ACTN2: variants seen among roughly 807,000 people sequenced by gnomAD.
ACTN2 encodes alpha-actinin-2.
A neutral mutation model predicts 113.8 loss-of-function variants in ACTN2; 39 were observed. That is an observed-to-expected ratio of 0.34 (90% CI 0.27 to 0.45). ACTN2 has a LOEUF of 0.45. Among genes scored for constraint, ACTN2 ranks in the 20% least tolerant of loss-of-function variants. The pLI is 1.00. For synonymous variants in ACTN2, 429 were observed against 444.1 expected (o/e 0.97, Z 0.43); for missense variants, 992 against 1,177.9 (o/e 0.84, Z 2.31).
chr1:236,702,185 A>G (rs1657696839), intron 1 of ACTN2, among the ~76,000 whole-genome samples: 1 of 152,220 alleles, frequency 6.6e-6, no homozygotes, highest in African/African-American at 2.4e-5. Flanking sequence ...TCAGAACGCT[A>G]GGATTGCTGG....
chr1:236,718,862 T>C, intron 2 of ACTN2, 32 bp from the exon 3 acceptor site: 1 of 1,614,140 alleles, frequency 6.2e-7, no homozygotes, highest in South Asian at 1.1e-5. Context: ...TCACTGTCTC[T>C]ATGTCTGCAT....
At chr1:236,720,055 C>T (rs776558853) in intron 3 of ACTN2, 50 bp from the exon 4 acceptor site, 28 of 1,297,088 alleles carry the variant, frequency 2.2e-5, no homozygotes, top group South Asian at 1.4e-4. Context: ...AAAAAAGTTA[C>T]GTACAGACTA....
At chr1:236,744,281 G>C (rs1410378377) in intron 11 of ACTN2, among the ~76,000 whole-genome samples, 1 of 152,202 alleles carries the variant, frequency 6.6e-6, no homozygotes, top group East Asian at 1.9e-4. Flanking sequence ...TAGCTCTTGG[G>C]AGTGAATAAT....
chr1:236,693,188 C>CACAT (rs1460101852), intron 1 of ACTN2, among the ~76,000 whole-genome samples: 21 of 43,638 alleles, frequency 4.8e-4, no homozygotes, highest in African/African-American at 9.2e-4. Context: ...CACACACACA[C>CACAT]ACACACACAC....
chr1:236,720,270 A>G (rs1658344267), intron 4 of ACTN2, 79 bp downstream of exon 4: 1 of 1,144,824 alleles, frequency 8.7e-7, no homozygotes, highest in African/African-American at 1.5e-5. Flanking sequence ...AGATGTTTTA[A>G]AGTCCAACAG....
chr1:236,761,951 C>T (rs192128583), intron 20 of ACTN2, among the ~76,000 whole-genome samples: 55 of 151,920 alleles, frequency 3.6e-4, no homozygotes, highest in African/African-American at 1.2e-3. Flanking sequence ...GGGAAATAGC[C>T]CAGCTGATTT....
chr1:236,754,005 A>G lies in ACTN2; in HGVS notation c.1898A>G (p.His633Arg). Residue 633 changes from histidine to arginine, a missense_variant, in exon 16 of 21, where the codon CAT (histidine) becomes CGT (arginine). By Grantham distance (29) the His-to-Arg change is conservative. Transcript: ENST00000366578. This position sits in a 1 kb window ranked among gnomAD's most constrained non-coding sequence, Gnocchi z 4.9. ...QSLQEELARQ[H>R]ANERLRRQFA... is the part of the protein sequence containing the mutation. ...CTGCAGGAGGAGCTGGCTCGCCAGC[A>G]TGCTAACGAGCGTCTGAGGCGCCAG... The G allele has an allele frequency of 2.5e-6, 4 of 1,614,212 alleles. No homozygotes were observed. The highest frequency in any genetic ancestry group is 3.4e-6 in the Non-Finnish European group (4 of 1,180,046).
intron 4 of ACTN2, among the ~76,000 whole-genome samples, chr1:236,721,052 G>A (rs1404718416): frequency 2.4e-5 from 1 of 41,112 alleles, no homozygotes; most frequent in Non-Finnish European, 4.7e-5. Flanking sequence ...TTTTGAGACG[G>A]AGTCTCACTC....
intron 1 of ACTN2, among the ~76,000 whole-genome samples, chr1:236,688,861 T>A (rs1665967797): frequency 6.6e-6 from 1 of 152,176 alleles, no homozygotes; most frequent in African/African-American, 2.4e-5. Flanking sequence ...CCATTGTTTC[T>A]ATTGTGGGCT....
chr1:236,740,491 C>T (rs2385494), intron 10 of ACTN2, among the ~76,000 whole-genome samples: 101,807 of 152,032 alleles, frequency 0.67, 36,562 homozygotes, highest in Non-Finnish European at 0.8. Flanking sequence ...AATGTTCTTG[C>T]CAAAGTCAAT....
At chr1:236,735,597 T>C in intron 7 of ACTN2, 38 bp from the exon 8 acceptor site, 3 of 1,514,836 alleles carry the variant, frequency 2.0e-6, no homozygotes, top group Non-Finnish European at 1.8e-6. Context: ...GTGGTGTGTG[T>C]GTGTGCGCGC....
Position 236,743,060 on chromosome 1 carries a change from C to CT in ACTN2, c.1255+17_1255+18insT. The CT allele has an allele frequency of 3.1e-6, 5 of 1,613,862 alleles. No homozygotes were observed. Among genetic ancestry groups the CT allele is most frequent in the Non-Finnish European group, 4.2e-6 (5 of 1,179,990 alleles). On this transcript the variant is annotated intron_variant, in intron 11 of 20. Coordinates refer to ENST00000366578, the MANE Select transcript of ACTN2 (RefSeq NM_001103.4). ...GGGCTTATGGTAAGTAGACAGGAGT[C>CT]AGATTGGATTTTTGAAAAACCAGAG...
rs750521308 is a variant in ACTN2 at position 236,686,659 on chromosome 1, G to C, written c.-15G>C. 1 of 1,549,528 alleles carries C rather than the reference G, an allele frequency of 6.5e-7. No individual in the cohort carries two copies. The highest frequency in any genetic ancestry group is 8.7e-7 in the Non-Finnish European group (1 of 1,148,190). ...GCCCCTCGCGCCCCGCCGCAGCCCC[G>C]GCCAACCGAGCGCCATGAACCAGAT... On this transcript the variant is annotated 5_prime_UTR_variant, in exon 1 of 21. Coordinates refer to ENST00000366578, the MANE Select transcript of ACTN2 (RefSeq NM_001103.4).
At chr1:236,721,571 CTT>C (rs1658396679) in intron 4 of ACTN2, among the ~76,000 whole-genome samples, 1 of 152,190 alleles carries the variant, frequency 6.6e-6, no homozygotes, top group Admixed American at 6.5e-5. Flanking sequence ...ACTTTGAAAA[CTT>C]TTGTACAATA....
Position 236,695,568 on chromosome 1 carries a change from C to CG in ACTN2, c.126+8769_126+8770insG, listed in dbSNP as rs1270303773. On this transcript the variant is annotated intron_variant, in intron 1 of 20. Transcript: ENST00000366578. The stretch of plus-strand genomic sequence containing the variant: ...GAATTTGATTTGAAATGAGTTCCCC[C>CG]CCCCTGCCCAGATTGAAAACCTTCA... 8.6e-5 allele frequency among the ~76,000 whole-genome samples: 9 copies of CG among 104,552 alleles called. 1 individual carries two copies. The South Asian group carries it at 2.8e-3, about 32-fold the overall frequency. 68.6% of individuals were successfully genotyped at this position (104,552 alleles called of 152,430 possible).
At chr1:236,716,032 C>A (rs1418071) in intron 1 of ACTN2, among the ~76,000 whole-genome samples, 121,396 of 151,554 alleles carry the variant, frequency 0.8, 49,394 homozygotes, top group Non-Finnish European at 0.87. Context: ...AAAGCTTAGA[C>A]ATAATTGTTA....
At chr1:236,722,903 G>A (rs1042494025) in intron 4 of ACTN2, among the ~76,000 whole-genome samples, 5 of 152,170 alleles carry the variant, frequency 3.3e-5, no homozygotes, top group African/African-American at 1.2e-4. Flanking sequence ...ATTCACACAA[G>A]GTTGTTAACC....
intron 1 of ACTN2, among the ~76,000 whole-genome samples, chr1:236,694,856 G>C (rs934485557): frequency 2.1e-4 from 32 of 152,186 alleles, no homozygotes; most frequent in African/African-American, 7.7e-4. Context: ...CTTGAGGCTA[G>C]GAGTTAGAGA....
intron 4 of ACTN2, among the ~76,000 whole-genome samples, chr1:236,722,327 C>T (rs1442927721): frequency 1.3e-5 from 2 of 151,930 alleles, no homozygotes; most frequent in African/African-American, 4.8e-5. Flanking sequence ...AATGATGGGC[C>T]TCTTCCAAGA....
Sources: allele counts gnomAD v4.1 joint callset (sites outside exome capture counted in the v4.1 genomes callset), GRCh38; gene constraint gnomAD v4.1.1; non-coding constraint Gnocchi (gnomAD v3.1); transcripts MANE v1.5; gene names NCBI Gene and HGNC (gene_info 2026-07-23, HGNC 2026-07-21).